Variants in ARK2C observed in about 807,000 individuals in gnomAD.
ARK2C encodes arkadia (RNF111) C-terminal like ring finger ubiquitin ligase 2C.
At chr18:46,430,197 A>C in the ARK2C span, among the ~76,000 whole-genome samples, 6 of 152,098 alleles carry the variant, frequency 3.9e-5, no homozygotes, top group African/African-American at 1.2e-4. Flanking sequence ...GCTTTATTCT[A>C]TTCTCATACT....
At chr18:46,388,260 A>C in the ARK2C span, among the ~76,000 whole-genome samples, 1 of 152,188 alleles carries the variant, frequency 6.6e-6, no homozygotes, top group East Asian at 1.9e-4. Context: ...TCGAAGATTC[A>C]CCACTCATAC....
the ARK2C span, chr18:46,433,211 A>T: frequency 6.3e-7 from 1 of 1,595,644 alleles, no homozygotes; most frequent in South Asian, 1.1e-5. Context: ...CAAAGGTCTC[A>T]GCATCCTCAC....
the ARK2C span, among the ~76,000 whole-genome samples, chr18:46,416,390 G>A: frequency 6.6e-6 from 1 of 152,208 alleles, no homozygotes; most frequent in Middle Eastern, 3.4e-3. Flanking sequence ...GTAAGCATCC[G>A]CCAAGCACCC....
At chr18:46,411,705 C>T in the ARK2C span, among the ~76,000 whole-genome samples, 1 of 152,184 alleles carries the variant, frequency 6.6e-6, no homozygotes, top group Non-Finnish European at 1.5e-5. Context: ...AGGGGTGAGG[C>T]CCTACTGAAG....
chr18:46,395,661 T>A, the ARK2C span, among the ~76,000 whole-genome samples: 2 of 152,156 alleles, frequency 1.3e-5, no homozygotes, highest in Non-Finnish European at 2.9e-5. Flanking sequence ...GGGGATAAGA[T>A]CTCATTCACT....
chr18:46,348,398 T>A, the ARK2C span, among the ~76,000 whole-genome samples: 3 of 152,184 alleles, frequency 2.0e-5, no homozygotes, highest in Non-Finnish European at 2.9e-5. Context: ...GGTGGTTGAT[T>A]GTCTTTTGTC....
the ARK2C span, among the ~76,000 whole-genome samples, chr18:46,370,607 C>T: frequency 2.5e-4 from 38 of 152,340 alleles, no homozygotes; most frequent in African/African-American, 8.4e-4. Context: ...ACCCTTCTCA[C>T]GTCTGATCTT....
At chr18:46,375,855 A>G in the ARK2C span, among the ~76,000 whole-genome samples, 1 of 152,178 alleles carries the variant, frequency 6.6e-6, no homozygotes, top group South Asian at 2.1e-4. Context: ...GAGGTTGATC[A>G]GGGTTCCAGG....
the ARK2C span, among the ~76,000 whole-genome samples, chr18:46,424,672 G>T: frequency 2.6e-5 from 4 of 152,184 alleles, no homozygotes; most frequent in Non-Finnish European, 5.9e-5. Flanking sequence ...TGAGGCCCCT[G>T]CCAGCAAAGA....
chr18:46,363,520 C>T, the ARK2C span, among the ~76,000 whole-genome samples: 70 of 152,322 alleles, frequency 4.6e-4, no homozygotes, highest in African/African-American at 1.3e-3. Flanking sequence ...AATCAGGATG[C>T]ACCCTGTGGT....
chr18:46,442,158 G>C, the ARK2C span, among the ~76,000 whole-genome samples: 1 of 84,650 alleles, frequency 1.2e-5, no homozygotes, highest in African/African-American at 5.2e-5. Flanking sequence ...GCGAAACTCC[G>C]TCTCAAAAAA....
chr18:46,366,874 T>C, the ARK2C span, among the ~76,000 whole-genome samples: 16,909 of 152,144 alleles, frequency 0.11, 1,353 homozygotes, highest in East Asian at 0.35. Context: ...AACAAAACAG[T>C]CTTGGAGAGC....
chr18:46,439,001 C>A, the ARK2C span, among the ~76,000 whole-genome samples: 2 of 152,224 alleles, frequency 1.3e-5, no homozygotes, highest in Admixed American at 6.5e-5. Flanking sequence ...GGACCTGGGT[C>A]TTCTGACAGC....
chr18:46,444,969 G>A, the ARK2C span, among the ~76,000 whole-genome samples: 9 of 151,014 alleles, frequency 6.0e-5, no homozygotes, highest in African/African-American at 2.0e-4. Context: ...GTTTTCTTTT[G>A]TATATTTGAA....
chr18:46,365,842 C>T, the ARK2C span, among the ~76,000 whole-genome samples: 1 of 152,050 alleles, frequency 6.6e-6, no homozygotes, highest in Non-Finnish European at 1.5e-5. Context: ...GCTAGATTTG[C>T]ATGGGGGTGA....
At chr18:46,381,898 G>A in the ARK2C span, among the ~76,000 whole-genome samples, 15 of 152,220 alleles carry the variant, frequency 9.9e-5, no homozygotes, top group African/African-American at 3.4e-4. Flanking sequence ...GCGAGCAGGT[G>A]TCTTTGGAGA....
the ARK2C span, among the ~76,000 whole-genome samples, chr18:46,351,041 C>CGG: frequency 6.6e-6 from 1 of 152,134 alleles, no homozygotes; most frequent in Non-Finnish European, 1.5e-5. Context: ...GCTGCCCTAG[C>CGG]GGGCAGACCC....
At chr18:46,428,265 T>C in the ARK2C span, among the ~76,000 whole-genome samples, 4 of 151,794 alleles carry the variant, frequency 2.6e-5, no homozygotes, top group South Asian at 2.1e-4. Context: ...AAAAATTAGC[T>C]GGGTGTGGTG....
At chr18:46,376,662 A>ATTTT in the ARK2C span, among the ~76,000 whole-genome samples, 4 of 83,248 alleles carry the variant, frequency 4.8e-5, no homozygotes, top group African/African-American at 8.9e-5. Flanking sequence ...CTGGTTAATA[A>ATTTT]TCTTTTTTTT....
Sources: allele counts gnomAD v4.1 joint callset (sites outside exome capture counted in the v4.1 genomes callset), GRCh38; gene constraint gnomAD v4.1.1; transcripts MANE v1.5; gene names NCBI Gene and HGNC (gene_info 2026-07-23, HGNC 2026-07-21).